ATP2A2: variants seen among roughly 807,000 people sequenced by gnomAD.
ATP2A2 encodes sarcoplasmic/endoplasmic reticulum calcium ATPase 2.
ATP2A2 carries 14 observed loss-of-function variants against 109.3 expected under a neutral mutation model. The ratio of observed to expected loss-of-function variants is 0.13; its 90% CI spans 0.08 to 0.20. The LOEUF (loss-of-function observed/expected upper bound fraction) is 0.20. Ranked by LOEUF, ATP2A2 falls within the 10% of genes least tolerant of loss-of-function variation. The probability of loss-of-function intolerance (pLI) is 1.00; values close to 1 mark genes in which losing one functional copy is unlikely to be tolerated. For missense variants in ATP2A2, 657 were observed against 1,321.6 expected, an observed-to-expected ratio of 0.50 and a Z score of 7.80; for synonymous variants, 506 against 490.9, an observed-to-expected ratio of 1.03 and a Z score of -0.41.
intron 5 of ATP2A2, among the ~76,000 whole-genome samples, chr12:110,319,771 A>G (rs1198803301): frequency 6.6e-6 from 1 of 151,700 alleles, no homozygotes; most frequent in East Asian, 1.9e-4. Context: ...TAGGACCATT[A>G]CTAAATACAG....
At chr12:110,308,925 A>G (rs1244492109) in intron 5 of ATP2A2, among the ~76,000 whole-genome samples, 1 of 152,146 alleles carries the variant, frequency 6.6e-6, no homozygotes, top group East Asian at 1.9e-4. Flanking sequence ...AGCTGAAAAT[A>G]AAAAAGTACT....
In ATP2A2 at chr12:110,335,223, T is replaced by C. The variant is rs370410226; in HGVS notation, c.1419+1080T>C. Among the ~76,000 whole-genome samples the C allele has an allele frequency of 1.4e-4, 22 of 152,276 alleles. 1 individual carries two copies. The highest frequency in any genetic ancestry group is 7.7e-4 in the East Asian group (4 of 5,188). On this transcript the variant is annotated intron_variant, in intron 11 of 19. Coordinates refer to ENST00000539276, the MANE Select transcript of ATP2A2 (RefSeq NM_170665.4). Reference sequence around the variant, plus strand: ...TGTCCTGCAGTACTGCCCTTAGATTTCTGTGGCCTCACAAGCCCGGGGAGC... The same window carrying C: ...TGTCCTGCAGTACTGCCCTTAGATTCCTGTGGCCTCACAAGCCCGGGGAGC...
intron 8 of ATP2A2, among the ~76,000 whole-genome samples, chr12:110,328,911 A>G (rs1878067021): frequency 6.6e-6 from 1 of 152,178 alleles, no homozygotes; most frequent in Non-Finnish European, 1.5e-5. Context: ...GTGTATGTTA[A>G]TAGACAAGTT....
intron 5 of ATP2A2, among the ~76,000 whole-genome samples, chr12:110,307,622 A>C (rs916394914): frequency 6.6e-6 from 1 of 152,016 alleles, no homozygotes; most frequent in Admixed American, 6.6e-5. Flanking sequence ...ATTTTTTCCT[A>C]TGTTGACTAC....
At chr12:110,283,007 G>A (rs759458786) in intron 3 of ATP2A2, among the ~76,000 whole-genome samples, 7 of 152,216 alleles carry the variant, frequency 4.6e-5, no homozygotes, top group Admixed American at 6.5e-5. Context: ...CATTTACAGT[G>A]TGGTTAGGAG....
chr12:110,299,867 C>T (rs1291448737), intron 5 of ATP2A2, among the ~76,000 whole-genome samples: 1 of 152,212 alleles, frequency 6.6e-6, no homozygotes, highest in Non-Finnish European at 1.5e-5. Context: ...TCAGGCAGTC[C>T]TGCCTCAGCC....
Position 110,332,693 on chromosome 12 carries a change from AC to A in ATP2A2, c.1184+11del, listed in dbSNP as rs781216521. On this transcript the variant is annotated intron_variant, in intron 9 of 19. Transcript: ENST00000539276. ...TGCACCTATTGGAGAAGTGTGAGTA[AC>A]CCTCCTCCTCATTTAAAGGATCTGG... is the stretch of plus-strand genomic sequence containing the variant. 5.1e-5 allele frequency: 82 copies of A among 1,592,772 alleles called. No individual in the cohort carries two copies. The highest frequency in any genetic ancestry group is 6.6e-5 in the Non-Finnish European group (77 of 1,160,776).
chr12:110,344,126 C>T (rs1879616293), intron 16 of ATP2A2, among the ~76,000 whole-genome samples: 1 of 152,156 alleles, frequency 6.6e-6, no homozygotes. Context: ...CCTTGTCTTG[C>T]CTTCTTCCTG....
chr12:110,312,317 C>T (rs1021550066), intron 5 of ATP2A2, among the ~76,000 whole-genome samples: 1 of 152,132 alleles, frequency 6.6e-6, no homozygotes, highest in Non-Finnish European at 1.5e-5. Context: ...TTGGTTCAGT[C>T]TGAAATGGGG....
intron 5 of ATP2A2, among the ~76,000 whole-genome samples, chr12:110,317,566 C>T (rs372146184): frequency 1.3e-5 from 2 of 151,580 alleles, no homozygotes; most frequent in South Asian, 2.1e-4. Flanking sequence ...TTAGTAGAGA[C>T]GGAGTTTCAC....
chr12:110,333,905 G>A lies in ATP2A2; in HGVS notation c.1288-107G>A. 4.0e-6 allele frequency: 6 copies of A among 1,492,934 alleles called. No individual in the cohort carries two copies. In the East Asian group the frequency reaches 6.8e-5, roughly 17 times the overall value. The allele number at this position is 1,492,934 out of a possible 1,614,324, so 92.5% of individuals were successfully genotyped here. ...AGGAGGATAAAAATGGCCTTACAGT[G>A]TTGTAATAGAGGACAGATTGTGCTT... On this transcript the variant is annotated intron_variant, in intron 10 of 19. Transcript: ENST00000539276.
chr12:110,315,964 G>A (rs1188471045), intron 5 of ATP2A2, among the ~76,000 whole-genome samples: 1 of 152,100 alleles, frequency 6.6e-6, no homozygotes, highest in Non-Finnish European at 1.5e-5. Context: ...GTGGGCACCT[G>A]TAATCCCAGC....
chr12:110,344,651 C>A (rs1357023953), intron 16 of ATP2A2, among the ~76,000 whole-genome samples: 1 of 152,202 alleles, frequency 6.6e-6, no homozygotes, highest in Non-Finnish European at 1.5e-5. Flanking sequence ...CTCACACATT[C>A]TGGAGGAAAA....
intron 5 of ATP2A2, among the ~76,000 whole-genome samples, chr12:110,315,096 G>T (rs1274896490): frequency 6.6e-6 from 1 of 152,172 alleles, no homozygotes; most frequent in Non-Finnish European, 1.5e-5. Context: ...TCGTTCTCCT[G>T]ACCTTGTGAT....
At chr12:110,333,108 G>T (rs953106852) in intron 9 of ATP2A2, 73 bp from the exon 10 acceptor site, 52 of 1,211,246 alleles carry the variant, frequency 4.3e-5, no homozygotes, top group Middle Eastern at 2.0e-4. Flanking sequence ...AAACAATTGC[G>T]GGGGGGCAGG....
At chr12:110,313,856 G>A (rs527654620) in intron 5 of ATP2A2, among the ~76,000 whole-genome samples, 210 of 150,184 alleles carry the variant, frequency 1.4e-3, no homozygotes, top group African/African-American at 4.9e-3. Flanking sequence ...AATTACAGGT[G>A]TGCACCACCC....
At chr12:110,321,718 C>T (rs1877266624) in intron 5 of ATP2A2, among the ~76,000 whole-genome samples, 1 of 152,034 alleles carries the variant, frequency 6.6e-6, no homozygotes, top group Non-Finnish European at 1.5e-5. Context: ...TAACGGACAG[C>T]TGTTTTAATG....
chr12:110,340,604 AG>A lies in ATP2A2; in HGVS notation c.1762-51del. The A allele has an allele frequency of 6.3e-7, 1 of 1,580,290 alleles. No homozygotes were observed. Among genetic ancestry groups the A allele is most frequent in the Non-Finnish European group, 8.7e-7 (1 of 1,152,696 alleles). ...TGTTTAACTGGGCATTTTTCAAACT[AG>A]GGGACAAAAACTAGAACTTGCCACT... On this transcript the variant is annotated intron_variant, in intron 13 of 19. Coordinates refer to ENST00000539276, the MANE Select transcript of ATP2A2 (RefSeq NM_170665.4). This position sits in a 1 kb window ranked among gnomAD's most constrained non-coding sequence, Gnocchi z 6.0.
Position 110,340,840 on chromosome 12 carries a change from C to T in ATP2A2, c.1943C>T (p.Thr648Met), listed in dbSNP as rs776014338. ...ATCTTCGGGCAGGATGAGGACGTGA[C>T]GTCAAAAGCTTTCACAGGCCGGGAG... Reference protein sequence around the residue: ...IGIFGQDEDVTSKAFTGREFD... With the variant: ...IGIFGQDEDVMSKAFTGREFD... The change falls in exon 14 of 20, where the codon ACG becomes ATG. Residue 648 changes from threonine to methionine, a missense_variant. Thr to Met is a moderately conservative substitution (Grantham distance 81, BLOSUM62 -1). Coordinates refer to ENST00000539276, the MANE Select transcript of ATP2A2 (RefSeq NM_170665.4). The surrounding 1 kb of genome is among the most constrained non-coding windows in gnomAD (Gnocchi z 6.0). 5.0e-6 allele frequency: 8 copies of T among 1,614,224 alleles called. No individual in the cohort carries two copies. In the East Asian group the frequency reaches 8.9e-5, roughly 18 times the overall value.
Sources: gnomAD v4.1 joint callset for allele counts (sites outside exome capture counted in the v4.1 genomes callset) on GRCh38, gnomAD v4.1.1 for gene constraint, Gnocchi (gnomAD v3.1) non-coding constraint, MANE v1.5 for transcripts, NCBI Gene and HGNC (gene_info 2026-07-23, HGNC 2026-07-21) for gene names.